CHEK1: variants seen among roughly 807,000 people sequenced by gnomAD.
CHEK1 encodes the protein checkpoint kinase 1, also known as serine/threonine-protein kinase Chk1.
CHEK1 carries 32 observed loss-of-function variants against 60.2 expected under a neutral mutation model. The ratio of observed to expected loss-of-function variants is 0.53; its 90% CI spans 0.40 to 0.71. CHEK1 has a LOEUF of 0.71. CHEK1 is among the 30% of genes least tolerant of loss of function. The probability of loss-of-function intolerance (pLI) is 0.00; values close to 1 mark genes in which losing one functional copy is unlikely to be tolerated. For synonymous variants in CHEK1, 179 were observed against 187.2 expected (o/e 0.96, Z 0.36); for missense variants, 399 against 564.6 (o/e 0.71, Z 2.97).
At chr11:125,660,736 A>C (rs926869434), downstream of CHEK1, among the ~76,000 whole-genome samples, 7 of 150,236 alleles carry the variant, frequency 4.7e-5, no homozygotes, top group African/African-American at 1.5e-4. Context: ...TATGATTTTC[A>C]TAAAGGATTT....
intron 2 of CHEK1, among the ~76,000 whole-genome samples, chr11:125,627,107 C>T (rs1268145042): frequency 6.6e-6 from 1 of 152,174 alleles, no homozygotes; most frequent in Non-Finnish European, 1.5e-5. Context: ...AATGAGCAGA[C>T]TCTGGAGATT....
At position 125,643,775 on chromosome 11, in the gene CHEK1, T is replaced by TA. The variant is rs748083771; in HGVS notation, c.815-17_815-16insA. On this transcript the variant is annotated splice_polypyrimidine_tract_variant and intron_variant, in intron 8 of 12. Transcript: ENST00000438015. The stretch of plus-strand genomic sequence containing the variant: ...CATAGAAGACTTGAAAGCATTTGTA[T>TA]TTGTTTTCTTTTTTAGGGGCAAAAA... The TA allele has an allele frequency of 1.5e-5, 24 of 1,597,256 alleles. No individual in the cohort carries two copies. Among genetic ancestry groups the TA allele is most frequent in the Non-Finnish European group, 2.0e-5 (23 of 1,169,998 alleles).
At chr11:125,644,354 T>G in intron 10 of CHEK1, 86 bp downstream of exon 10, 1 of 1,463,874 alleles carries the variant, frequency 6.8e-7, no homozygotes, top group Non-Finnish European at 9.2e-7. Flanking sequence ...AAATCTTAGA[T>G]ATATAACTTT....
intron 8 of CHEK1, among the ~76,000 whole-genome samples, chr11:125,639,719 T>G (rs145219941): frequency 6.6e-6 from 1 of 152,178 alleles, no homozygotes; most frequent in Admixed American, 6.5e-5. Context: ...AGTTGTTCAC[T>G]TTGCTTCCTG....
intron 11 of CHEK1, among the ~76,000 whole-genome samples, chr11:125,646,499 T>C (rs1941512900): frequency 6.6e-6 from 1 of 152,316 alleles, no homozygotes; most frequent in Admixed American, 6.5e-5. Context: ...AGGAATAGAA[T>C]TGTTGGAGCA....
At chr11:125,633,017 T>C in intron 5 of CHEK1, 146 bp from the exon 6 acceptor site, 1 of 616,866 alleles carries the variant, frequency 1.6e-6, no homozygotes, top group East Asian at 3.3e-5. Flanking sequence ...TTTAAATTTC[T>C]TTTTGTCTAT....
downstream of CHEK1, among the ~76,000 whole-genome samples, chr11:125,659,316 C>T (rs969667245): frequency 6.6e-6 from 1 of 151,834 alleles, no homozygotes; most frequent in African/African-American, 2.4e-5. Context: ...GTTGAAGAAT[C>T]CAGCTGGTTT....
chr11:125,665,130 T>A (rs1284128938), intron 13 of CHEK1, among the ~76,000 whole-genome samples: 1 of 152,180 alleles, frequency 6.6e-6, no homozygotes, highest in African/African-American at 2.4e-5. Context: ...GTTTCATTGG[T>A]CTACGTGTGT....
At chr11:125,638,350 G>A (rs1941151078) in intron 8 of CHEK1, among the ~76,000 whole-genome samples, 1 of 152,124 alleles carries the variant, frequency 6.6e-6, no homozygotes, top group African/African-American at 2.4e-5. Flanking sequence ...TAGGGCAATG[G>A]TATTGGAGAA....
rs986736430 is a variant in CHEK1 at position 125,653,281 on chromosome 11, C to T, written c.1234-465C>T. ...CCATGCTAGAGTGCAGTGGCGCAAT[C>T]ATAGCTCACTGCAGCTTCAACCTCC... On this transcript the variant is annotated intron_variant, in intron 11 of 12. Coordinates refer to ENST00000438015, the MANE Select transcript of CHEK1 (RefSeq NM_001114122.3). The surrounding 1 kb of genome is among the most constrained non-coding windows in gnomAD (Gnocchi z 4.3). Among the ~76,000 whole-genome samples, 1 of 152,204 alleles carries T rather than the reference C, an allele frequency of 6.6e-6. No homozygotes were observed. Among genetic ancestry groups the T allele is most frequent in the African/African-American group, 2.4e-5 (1 of 41,452 alleles).
chr11:125,676,476 T>C (rs140375874), downstream of CHEK1: 57 of 1,614,050 alleles, frequency 3.5e-5, no homozygotes, highest in Non-Finnish European at 4.5e-5. Context: ...TTTAATATTG[T>C]GCCTGAAAAT....
At chr11:125,676,272 C>A, downstream of CHEK1, 1 of 1,489,576 alleles carries the variant, frequency 6.7e-7, no homozygotes. Context: ...TGATTCTTTC[C>A]TGGGCCCCTG....
chr11:125,647,408 G>A (rs931755487), intron 11 of CHEK1, among the ~76,000 whole-genome samples: 2 of 149,874 alleles, frequency 1.3e-5, no homozygotes, highest in African/African-American at 2.5e-5. Context: ...GTGCTATGCC[G>A]TTACCACACT....
In CHEK1 at chr11:125,625,606, G is replaced by T. The variant is rs945884989; in HGVS notation, c.-427G>T. 5 of 595,178 alleles carry T rather than the reference G, an allele frequency of 8.4e-6. No homozygotes were observed. Among genetic ancestry groups the T allele is most frequent in the African/African-American group, 7.4e-5 (4 of 53,768 alleles). The allele number at this position is 595,178 out of a possible 1,614,324, so 36.9% of individuals were successfully genotyped here. A position where few individuals can be genotyped will look rare whatever the true frequency, so the allele number is the denominator to read the frequency against. ...TTTCAGGCCCAGAGCGGCCAGGAGCGAAGCCCGCAGCCCCGCCTGGAAGCG... is the reference window on the plus strand; with the variant it reads ...TTTCAGGCCCAGAGCGGCCAGGAGCTAAGCCCGCAGCCCCGCCTGGAAGCG... On this transcript the variant is annotated 5_prime_UTR_variant, in exon 1 of 13. Transcript: ENST00000438015.
intron 5 of CHEK1, among the ~76,000 whole-genome samples, 165 bp from the exon 6 acceptor site, chr11:125,632,993 ATTTAT>A (rs1397035032): frequency 2.6e-5 from 4 of 152,006 alleles, no homozygotes; most frequent in South Asian, 2.1e-4. Flanking sequence ...ATAGATGATG[ATTTAT>A]TTTATTTTTT....
downstream of CHEK1, chr11:125,676,573 T>C (rs1274038866): frequency 1.9e-5 from 27 of 1,444,336 alleles, no homozygotes; most frequent in Admixed American, 4.7e-4. Flanking sequence ...ATAGGTAGCA[T>C]GGATACTACA....
At chr11:125,663,798 T>C (rs2136080354) in intron 13 of CHEK1, among the ~76,000 whole-genome samples, 1 of 152,322 alleles carries the variant, frequency 6.6e-6, no homozygotes, top group South Asian at 2.1e-4. Flanking sequence ...TAGTTTTAGT[T>C]TTACATTTAA....
chr11:125,661,527 G>C (rs911075674), downstream of CHEK1, among the ~76,000 whole-genome samples: 2 of 152,086 alleles, frequency 1.3e-5, no homozygotes, highest in Non-Finnish European at 2.9e-5. Context: ...GTCCAGGCTG[G>C]TCTCAAACTC....
At chr11:125,629,080 C>A in intron 3 of CHEK1, 152 bp from the exon 4 acceptor site, 1 of 663,150 alleles carries the variant, frequency 1.5e-6, no homozygotes. Context: ...GAGTTAAGCC[C>A]CATATGTGTT....
Sources: allele counts gnomAD v4.1 joint callset (sites outside exome capture counted in the v4.1 genomes callset), GRCh38; gene constraint gnomAD v4.1.1; non-coding constraint Gnocchi (gnomAD v3.1); transcripts MANE v1.5; gene names NCBI Gene and HGNC (gene_info 2026-07-23, HGNC 2026-07-21).